The following UTRN variants were observed in gnomAD, a reference collection of about 807,000 sequenced individuals.
The protein encoded by UTRN is dystrophin-related protein 1.
In UTRN, 283 loss-of-function variants were observed where a neutral mutation model predicts 463.9. The observed-to-expected ratio is 0.61, with a 90% CI of 0.55 to 0.67. UTRN has a LOEUF of 0.67. UTRN is among the 30% of genes least tolerant of loss of function. The probability of loss-of-function intolerance (pLI) is 0.00; values close to 1 mark genes in which losing one functional copy is unlikely to be tolerated. For synonymous variants in UTRN, 1,442 were observed against 1,431.5 expected (o/e 1.01, Z -0.17); for missense variants, 3,922 against 4,084.3 (o/e 0.96, Z 1.08).
intron 60 of UTRN, among the ~76,000 whole-genome samples, chr6:144,779,166 C>A (rs1361639577): frequency 1.3e-5 from 2 of 152,132 alleles, no homozygotes; most frequent in Non-Finnish European, 2.9e-5. Context: ...TGTGGGGATC[C>A]AATAGCAGTG....
intron 51 of UTRN, among the ~76,000 whole-genome samples, chr6:144,644,341 C>T (rs1219436089): frequency 1.3e-5 from 2 of 152,090 alleles, no homozygotes. Flanking sequence ...AGGTTCAATA[C>T]TTTTCTAAAC....
chr6:144,714,856 T>C (rs1259014804), intron 53 of UTRN, among the ~76,000 whole-genome samples: 3 of 152,318 alleles, frequency 2.0e-5, no homozygotes, highest in African/African-American at 7.2e-5. Flanking sequence ...CCTTTCCTGC[T>C]GACTTATTAA....
At chr6:144,808,329 C>T (rs1778325179) in intron 65 of UTRN, among the ~76,000 whole-genome samples, 1 of 151,782 alleles carries the variant, frequency 6.6e-6, no homozygotes, top group African/African-American at 2.4e-5. Flanking sequence ...CAGGGATTAT[C>T]ATTTTTTAAA....
intron 53 of UTRN, among the ~76,000 whole-genome samples, chr6:144,724,112 G>A (rs190324637): frequency 6.7e-6 from 1 of 149,306 alleles, no homozygotes; most frequent in Admixed American, 6.7e-5. Flanking sequence ...TAATAACCTT[G>A]TTGAGATAGT....
chr6:144,450,145 G>C (rs1290979981), intron 17 of UTRN, among the ~76,000 whole-genome samples: 1 of 152,100 alleles, frequency 6.6e-6, no homozygotes, highest in Non-Finnish European at 1.5e-5. Flanking sequence ...TTCACAGCCT[G>C]TTCTCGACTC....
rs61170991 is a variant in UTRN, at chr6:144,421,069, C to T, written c.142-809C>T. Among the ~76,000 whole-genome samples the T allele has an allele frequency of 8.5e-5, 13 of 152,252 alleles. No individual in the cohort carries two copies. The East Asian group carries it at 2.5e-3, about 29-fold the overall frequency. ...TTGCCCAGGCTGGAGTGCAGTGGCA[C>T]GATCTTGGCTCACTGCAACCTTCAC... On this transcript the variant is annotated intron_variant, in intron 3 of 74. Coordinates refer to ENST00000367545, the MANE Select transcript of UTRN (RefSeq NM_007124.3).
At chr6:144,706,686 C>T (rs1418877059) in intron 53 of UTRN, 1 of 152,122 alleles carries the variant, frequency 6.6e-6, no homozygotes, top group African/African-American at 2.4e-5. Flanking sequence ...AAGCTACTGA[C>T]TGTGAGGGAA....
intron 51 of UTRN, among the ~76,000 whole-genome samples, chr6:144,622,029 G>A (rs760491397): frequency 2.0e-5 from 3 of 151,336 alleles, no homozygotes; most frequent in Non-Finnish European, 4.4e-5. Context: ...GATCTTCATT[G>A]TATTCGTGAC....
intron 61 of UTRN, among the ~76,000 whole-genome samples, chr6:144,788,769 G>A (rs558274641): frequency 1.3e-5 from 2 of 152,092 alleles, no homozygotes; most frequent in Non-Finnish European, 2.9e-5. Context: ...CTCCATGTTC[G>A]TCAGGCTGGT....
chr6:144,798,793 G>A (rs904600272), intron 64 of UTRN, among the ~76,000 whole-genome samples: 1 of 152,234 alleles, frequency 6.6e-6, no homozygotes, highest in African/African-American at 2.4e-5. Flanking sequence ...CCAAGCTGGT[G>A]TGCAGTGGCA....
chr6:144,650,655 A>G (rs562188775), intron 51 of UTRN, among the ~76,000 whole-genome samples: 13 of 152,342 alleles, frequency 8.5e-5, no homozygotes, highest in Non-Finnish European at 1.3e-4. Context: ...TCACGCCTGT[A>G]ACCCTAGCAC....
At chr6:144,764,365 T>C (rs1242104858) in intron 58 of UTRN, among the ~76,000 whole-genome samples, 1 of 152,220 alleles carries the variant, frequency 6.6e-6, no homozygotes, top group African/African-American at 2.4e-5. Flanking sequence ...TGATATTGTC[T>C]TTGAGAGACA....
intron 48 of UTRN, among the ~76,000 whole-genome samples, chr6:144,551,376 T>C (rs963525924): frequency 1.3e-5 from 2 of 152,186 alleles, no homozygotes; most frequent in African/African-American, 2.4e-5. Context: ...GGCTTTCTTT[T>C]AGAGGAATAA....
chr6:144,710,949 T>C (rs1785623846), intron 53 of UTRN, among the ~76,000 whole-genome samples: 1 of 152,220 alleles, frequency 6.6e-6, no homozygotes, highest in Non-Finnish European at 1.5e-5. Context: ...TTCGTGTAAG[T>C]ACATGTTTAA....
intron 2 of UTRN, among the ~76,000 whole-genome samples, chr6:144,324,953 G>T (rs1418584950): frequency 3.3e-5 from 5 of 152,164 alleles, no homozygotes; most frequent in Non-Finnish European, 7.4e-5. Flanking sequence ...TGAGAGTTTG[G>T]TTGAGAATCT....
At chr6:144,433,657 C>A (rs1180589272) in intron 9 of UTRN, among the ~76,000 whole-genome samples, 37 of 151,864 alleles carry the variant, frequency 2.4e-4, no homozygotes, top group Non-Finnish European at 4.7e-4. Flanking sequence ...CTCCTCACCT[C>A]CCAGACGGGG....
intron 3 of UTRN, among the ~76,000 whole-genome samples, chr6:144,419,313 A>C (rs1784627521): frequency 6.6e-6 from 1 of 152,168 alleles, no homozygotes; most frequent in African/African-American, 2.4e-5. Context: ...TTGTCCCTGA[A>C]TCTATCGCTG....
At chr6:144,729,902 G>A (rs1407506965) in intron 53 of UTRN, among the ~76,000 whole-genome samples, 2 of 151,568 alleles carry the variant, frequency 1.3e-5, no homozygotes, top group Admixed American at 6.6e-5. Context: ...TTTTCTTAAT[G>A]TATTCTAAAT....
intron 19 of UTRN, 70 bp downstream of exon 19, chr6:144,453,939 A>C: frequency 7.1e-7 from 1 of 1,398,920 alleles, no homozygotes; most frequent in Non-Finnish European, 9.8e-7. Flanking sequence ...AGTTTGCCCT[A>C]TTAAATATTT....
Sources: allele counts gnomAD v4.1 joint callset (sites outside exome capture counted in the v4.1 genomes callset), GRCh38; gene constraint gnomAD v4.1.1; transcripts MANE v1.5; gene names NCBI Gene and HGNC (gene_info 2026-07-23, HGNC 2026-07-21).